The following PTPRO variants were observed in gnomAD, a reference collection of about 807,000 sequenced individuals.
PTPRO encodes receptor-type tyrosine-protein phosphatase O.
PTPRO carries 62 observed loss-of-function variants against 145.2 expected under a neutral mutation model. That is an observed-to-expected ratio of 0.43 (90% CI 0.35 to 0.53). PTPRO has a LOEUF of 0.53. Ranked by LOEUF, PTPRO falls within the 20% of genes least tolerant of loss-of-function variation. The probability of loss-of-function intolerance (pLI) is 0.01; values close to 1 mark genes in which losing one functional copy is unlikely to be tolerated. For synonymous variants in PTPRO, 565 were observed against 514.7 expected, an observed-to-expected ratio of 1.10 and a Z score of -1.32; for missense variants, 1,345 against 1,482.7, an observed-to-expected ratio of 0.91 and a Z score of 1.53.
chr12:15,463,690 T>G (rs1941354900), intron 1 of PTPRO, among the ~76,000 whole-genome samples: 1 of 152,222 alleles, frequency 6.6e-6, no homozygotes, highest in African/African-American at 2.4e-5. Context: ...TTGTTGATAT[T>G]CTTTCTCTCC....
At chr12:15,592,031 G>T (rs966709736) in intron 25 of PTPRO, among the ~76,000 whole-genome samples, 1 of 152,114 alleles carries the variant, frequency 6.6e-6, no homozygotes, top group Non-Finnish European at 1.5e-5. Context: ...CTTGACCCTT[G>T]ATTCCCGCAG....
chr12:15,424,500 G>T (rs1393391079), intron 1 of PTPRO, among the ~76,000 whole-genome samples: 1 of 151,994 alleles, frequency 6.6e-6, no homozygotes, highest in East Asian at 1.9e-4. Flanking sequence ...CAGTCCTAGA[G>T]AAATAAACTA....
chr12:15,524,174 A>C (rs1041751949), intron 10 of PTPRO, among the ~76,000 whole-genome samples: 10 of 151,520 alleles, frequency 6.6e-5, no homozygotes, highest in Admixed American at 6.6e-4. Context: ...AAAAAAAAAA[A>C]AAACTTGTTC....
intron 1 of PTPRO, among the ~76,000 whole-genome samples, chr12:15,334,442 A>G (rs900039380): frequency 6.6e-6 from 1 of 152,178 alleles, no homozygotes; most frequent in Non-Finnish European, 1.5e-5. Context: ...GTACATATAG[A>G]CCAAAAACCT....
At chr12:15,579,872 A>G (rs1045828907) in intron 20 of PTPRO, among the ~76,000 whole-genome samples, 167 bp from the exon 21 acceptor site, 1 of 152,216 alleles carries the variant, frequency 6.6e-6, no homozygotes. Context: ...TCACTTATTT[A>G]TTTAAACAAC....
chr12:15,572,499 T>C (rs1944077261), intron 19 of PTPRO, among the ~76,000 whole-genome samples: 1 of 152,234 alleles, frequency 6.6e-6, no homozygotes, highest in Non-Finnish European at 1.5e-5. Context: ...TATTAGTCAT[T>C]TGTGTTATTT....
chr12:15,335,804 C>T (rs1196401193), intron 1 of PTPRO, among the ~76,000 whole-genome samples: 1 of 152,066 alleles, frequency 6.6e-6, no homozygotes, highest in Non-Finnish European at 1.5e-5. Context: ...ACAGTTGCAT[C>T]TTTAAACCCT....
intron 22 of PTPRO, 151 bp downstream of exon 22, chr12:15,580,982 T>C: frequency 8.8e-7 from 1 of 1,131,250 alleles, no homozygotes; most frequent in Non-Finnish European, 1.3e-6. Flanking sequence ...AGAATTAGAA[T>C]TTGGGGGTAA....
At chr12:15,525,348 T>G (rs1942815910) in intron 11 of PTPRO, among the ~76,000 whole-genome samples, 1 of 152,176 alleles carries the variant, frequency 6.6e-6, no homozygotes, top group Non-Finnish European at 1.5e-5. Context: ...AATACGCTTT[T>G]GGATGTTTAT....
At chr12:15,418,152 A>G (rs1940034222) in intron 1 of PTPRO, among the ~76,000 whole-genome samples, 1 of 151,844 alleles carries the variant, frequency 6.6e-6, no homozygotes, top group African/African-American at 2.4e-5. Flanking sequence ...ACTCAAGCAT[A>G]GCTTGTTACC....
chr12:15,571,505 C>T (rs1180818412), intron 19 of PTPRO, among the ~76,000 whole-genome samples: 1 of 152,146 alleles, frequency 6.6e-6, no homozygotes, highest in African/African-American at 2.4e-5. Flanking sequence ...CTAGTCTGGT[C>T]TCGAACTCCT....
intron 9 of PTPRO, among the ~76,000 whole-genome samples, chr12:15,519,212 C>T (rs904645683): frequency 2.6e-5 from 4 of 152,172 alleles, no homozygotes; most frequent in Non-Finnish European, 5.9e-5. Flanking sequence ...CTCCCCCTTA[C>T]AATAGCCATC....
At position 15,551,667 on chromosome 12, in the gene PTPRO, G is replaced by T. The variant is rs773603066; in HGVS notation, c.2554G>T (p.Ala852Ser). The change falls in exon 15 of 27, where the codon GCT becomes TCT. Residue 852 changes from alanine to serine, a missense_variant. Coordinates refer to ENST00000281171, the MANE Select transcript of PTPRO (RefSeq NM_030667.3). ...TCTTAGGAAAAAGCATCTGCAGATG[G>T]CTAGGTAAGTTAAGTTTTACTAATA... The part of the protein sequence containing the change: ...IILRKKHLQM[A>S]RECGAGTFVN... 5.0e-6 allele frequency: 8 copies of T among 1,612,984 alleles called. No individual in the cohort carries two copies. In the African/African-American group the frequency reaches 1.1e-4, roughly 22 times the overall value.
At chr12:15,335,490 T>C (rs1024618831) in intron 1 of PTPRO, among the ~76,000 whole-genome samples, 6 of 152,148 alleles carry the variant, frequency 3.9e-5, no homozygotes, top group African/African-American at 7.2e-5. Context: ...GGGAATTTCC[T>C]CTGCAATTTT....
chr12:15,517,048 T>A, intron 9 of PTPRO, 92 bp downstream of exon 9: 1 of 1,229,812 alleles, frequency 8.1e-7, no homozygotes, highest in Non-Finnish European at 1.2e-6. Flanking sequence ...ATCTATAAAT[T>A]TGATTATTTT....
intron 1 of PTPRO, among the ~76,000 whole-genome samples, chr12:15,394,095 T>C (rs1939269882): frequency 6.6e-6 from 1 of 152,176 alleles, no homozygotes; most frequent in African/African-American, 2.4e-5. Flanking sequence ...GCCAGAGCCC[T>C]GATGACCCAA....
At chr12:15,511,304 C>A (rs1942435604) in intron 7 of PTPRO, among the ~76,000 whole-genome samples, 1 of 152,112 alleles carries the variant, frequency 6.6e-6, no homozygotes, top group Non-Finnish European at 1.5e-5. Flanking sequence ...AACACACACC[C>A]AAGGAGGTCC....
chr12:15,568,004 A>C (rs1005912165), intron 18 of PTPRO, among the ~76,000 whole-genome samples: 2 of 152,246 alleles, frequency 1.3e-5, no homozygotes, highest in Non-Finnish European at 2.9e-5. Flanking sequence ...TTTCAGTTTA[A>C]AGGTATTCTC....
intron 1 of PTPRO, among the ~76,000 whole-genome samples, chr12:15,415,811 AT>A (rs766778222): frequency 2.6e-5 from 4 of 151,802 alleles, no homozygotes; most frequent in Non-Finnish European, 5.9e-5. Flanking sequence ...TATCTAAGTA[AT>A]GACAACCAGC....
Sources: gnomAD v4.1 joint callset for allele counts (sites outside exome capture counted in the v4.1 genomes callset) on GRCh38, gnomAD v4.1.1 for gene constraint, MANE v1.5 for transcripts, NCBI Gene and HGNC (gene_info 2026-07-23, HGNC 2026-07-21) for gene names.